LOC400499: variants seen among roughly 807,000 people sequenced by gnomAD.
At chr16:11,510,804 C>G in the LOC400499 span, among the ~76,000 whole-genome samples, 1 of 151,484 alleles carries the variant, frequency 6.6e-6, no homozygotes, top group East Asian at 1.9e-4. Flanking sequence ...AGTTGGGAAC[C>G]AGATGACTCC....
At chr16:11,495,223 A>AG in the LOC400499 span, among the ~76,000 whole-genome samples, 3 of 149,362 alleles carry the variant, frequency 2.0e-5, no homozygotes, top group African/African-American at 7.4e-5. Context: ...AAAAAAAAAA[A>AG]AAAAGAAAAC....
the LOC400499 span, among the ~76,000 whole-genome samples, chr16:11,495,876 G>A: frequency 6.6e-6 from 1 of 152,162 alleles, no homozygotes; most frequent in Admixed American, 6.5e-5. Context: ...CTTAACCCAG[G>A]AGAGGCTGGC....
chr16:11,390,601 A>G, the LOC400499 span: 2 of 647,140 alleles, frequency 3.1e-6, no homozygotes, highest in African/African-American at 1.9e-5. Flanking sequence ...ACTGGAACAG[A>G]GCAGTGGCAC....
At chr16:11,391,174 G>C in the LOC400499 span, among the ~76,000 whole-genome samples, 1 of 152,360 alleles carries the variant, frequency 6.6e-6, no homozygotes, top group East Asian at 1.9e-4. Flanking sequence ...TGCCCACCCT[G>C]GCGCTGGGCA....
chr16:11,421,984 T>G, the LOC400499 span, among the ~76,000 whole-genome samples: 1 of 152,238 alleles, frequency 6.6e-6, no homozygotes, highest in Non-Finnish European at 1.5e-5. Context: ...GTGGAGGGTT[T>G]GAGACGTGGC....
At chr16:11,500,888 C>T in the LOC400499 span, 21 of 399,072 alleles carry the variant, frequency 5.3e-5, no homozygotes, top group Non-Finnish European at 7.5e-5. Flanking sequence ...CTGCCTCCAC[C>T]GCGGCTGATG....
chr16:11,382,782 C>G, the LOC400499 span, among the ~76,000 whole-genome samples: 1 of 152,112 alleles, frequency 6.6e-6, no homozygotes, highest in Non-Finnish European at 1.5e-5. Flanking sequence ...TGCACTCCAG[C>G]CTGGGTGACA....
At chr16:11,403,266 G>C in the LOC400499 span, among the ~76,000 whole-genome samples, 11 of 152,264 alleles carry the variant, frequency 7.2e-5, no homozygotes, top group African/African-American at 2.6e-4. Context: ...TGGTTCTCAG[G>C]GCATCACCCA....
the LOC400499 span, among the ~76,000 whole-genome samples, chr16:11,501,475 G>C: frequency 1.3e-5 from 2 of 152,200 alleles, no homozygotes; most frequent in South Asian, 2.1e-4. Flanking sequence ...CTCCCACTCA[G>C]CCTCCCAAGT....
the LOC400499 span, among the ~76,000 whole-genome samples, chr16:11,377,577 C>A: frequency 6.6e-6 from 1 of 152,298 alleles, no homozygotes; most frequent in Admixed American, 6.5e-5. Context: ...CATGTGTTTT[C>A]TTTCGTTCAT....
the LOC400499 span, among the ~76,000 whole-genome samples, chr16:11,461,699 G>A: frequency 6.6e-6 from 1 of 152,102 alleles, no homozygotes; most frequent in East Asian, 1.9e-4. Context: ...ACATCGGGGG[G>A]TCCACAGCCA....
the LOC400499 span, among the ~76,000 whole-genome samples, chr16:11,480,370 G>A: frequency 6.6e-6 from 1 of 152,164 alleles, no homozygotes; most frequent in Admixed American, 6.5e-5. Context: ...TGCTCATCCT[G>A]GTGTTCCCAA....
the LOC400499 span, chr16:11,399,531 C>T: frequency 1.0e-5 from 4 of 398,632 alleles, no homozygotes; most frequent in African/African-American, 2.1e-5. Context: ...AGCTGTTCAA[C>T]GAACACAGCT....
the LOC400499 span, chr16:11,491,649 T>G: frequency 4.8e-6 from 1 of 210,386 alleles, no homozygotes; most frequent in Non-Finnish European, 9.4e-6. Context: ...GGAGGTGCCC[T>G]CCCAGCCCCA....
the LOC400499 span, among the ~76,000 whole-genome samples, chr16:11,454,154 C>A: frequency 6.6e-6 from 1 of 152,186 alleles, no homozygotes; most frequent in Admixed American, 6.5e-5. Flanking sequence ...CATCAGATCT[C>A]CCAATTAATT....
chr16:11,451,185 G>C, the LOC400499 span, among the ~76,000 whole-genome samples: 1 of 152,232 alleles, frequency 6.6e-6, no homozygotes, highest in Non-Finnish European at 1.5e-5. Flanking sequence ...GAGGTGATGA[G>C]GCAAGTGGGG....
At chr16:11,441,083 G>A in the LOC400499 span, 1 of 398,956 alleles carries the variant, frequency 2.5e-6, no homozygotes, top group African/African-American at 2.1e-5. Flanking sequence ...TAGCCTGGGT[G>A]TGTGAGAACC....
chr16:11,487,560 G>C, the LOC400499 span, among the ~76,000 whole-genome samples: 3,387 of 152,230 alleles, frequency 0.022, 123 homozygotes, highest in African/African-American at 0.077. Flanking sequence ...GGGAGTCCAG[G>C]ACACAGAGTC....
chr16:11,478,230 G>C, the LOC400499 span, among the ~76,000 whole-genome samples: 1 of 150,650 alleles, frequency 6.6e-6, no homozygotes, highest in Admixed American at 6.6e-5. Flanking sequence ...GTTTCGCCAT[G>C]TTGGCCAGGC....
Sources: gnomAD v4.1 joint callset for allele counts (sites outside exome capture counted in the v4.1 genomes callset) on GRCh38, gnomAD v4.1.1 for gene constraint, MANE v1.5 for transcripts.